The following EPHA4 variants were observed in gnomAD, a reference collection of about 807,000 sequenced individuals.
EPHA4 encodes EPH receptor A4.
In EPHA4, 19 loss-of-function variants were observed where a neutral mutation model predicts 108.3. That is an observed-to-expected ratio of 0.18 (90% CI 0.12 to 0.26). The LOEUF (loss-of-function observed/expected upper bound fraction) is 0.26, where lower values mean the gene tolerates loss of function less well. Ranked by LOEUF, EPHA4 falls within the 10% of genes least tolerant of loss-of-function variation. The probability of loss-of-function intolerance (pLI) is 1.00; values close to 1 mark genes in which losing one functional copy is unlikely to be tolerated. For missense variants in EPHA4, 917 were observed against 1,254.0 expected, an observed-to-expected ratio of 0.73 and a Z score of 4.06; for synonymous variants, 449 against 455.5, an observed-to-expected ratio of 0.99 and a Z score of 0.18.
At chr2:221,519,231 C>CTT (rs1410289525) in intron 3 of EPHA4, among the ~76,000 whole-genome samples, 2 of 150,624 alleles carry the variant, frequency 1.3e-5, no homozygotes, top group African/African-American at 4.9e-5. Flanking sequence ...GTTTTAAACA[C>CTT]TTTTTTTTTA....
chr2:221,457,968 G>A lies in EPHA4; in HGVS notation c.1341C>T (p.Val447=), dbSNP rs372586693. Residue 447 remains valine, a synonymous_variant, in exon 6 of 18, where the codon GTC becomes GTT. Coordinates refer to ENST00000281821, the MANE Select transcript of EPHA4 (RefSeq NM_004438.5). The part of the protein sequence containing the change: ...NQAAPSSIAL[V]QAKEVTRYSV... The stretch of plus-strand genomic sequence containing the variant: ...TGTATCTTGTGACTTCTTTAGCCTG[G>A]ACCAAAGCAATGGATGATGGTGCTG... 5.0e-5 allele frequency: 80 copies of A among 1,613,148 alleles called. No homozygotes were observed. Among genetic ancestry groups the A allele is most frequent in the Non-Finnish European group, 6.5e-5 (77 of 1,179,506 alleles).
chr2:221,497,099 A>G (rs1692322035), intron 4 of EPHA4, among the ~76,000 whole-genome samples: 1 of 152,140 alleles, frequency 6.6e-6, no homozygotes, highest in African/African-American at 2.4e-5. Flanking sequence ...AGGCAGTGAG[A>G]TAGCTGTCAA....
At chr2:221,508,119 G>GA (rs1692687270) in intron 3 of EPHA4, among the ~76,000 whole-genome samples, 1 of 152,174 alleles carries the variant, frequency 6.6e-6, no homozygotes, top group African/African-American at 2.4e-5. Context: ...ACTGTAAATA[G>GA]ACCCGTGTCT....
chr2:221,541,374 A>C (rs577709538), intron 3 of EPHA4, among the ~76,000 whole-genome samples: 5 of 152,232 alleles, frequency 3.3e-5, no homozygotes, highest in South Asian at 2.1e-4. Context: ...CAGTAAGCCA[A>C]ATTCAAGCTC....
upstream of EPHA4, chr2:221,572,333 T>C (rs528282896): frequency 3.0e-4 from 384 of 1,265,238 alleles, 1 homozygote; most frequent in Non-Finnish European, 4.0e-4. Flanking sequence ...GCTGAAGACA[T>C]TGCCAAGGGG....
intron 13 of EPHA4, among the ~76,000 whole-genome samples, chr2:221,435,554 G>A (rs1010689779): frequency 6.6e-6 from 1 of 152,026 alleles, no homozygotes; most frequent in Non-Finnish European, 1.5e-5. Context: ...GCAAAATGAA[G>A]AGTGTTAAAA....
intron 3 of EPHA4, among the ~76,000 whole-genome samples, chr2:221,555,988 G>C (rs1200853421): frequency 1.3e-5 from 2 of 152,182 alleles, no homozygotes; most frequent in African/African-American, 4.8e-5. Context: ...AGTGCAGTCT[G>C]TGTTACCTTC....
Position 221,566,845 on chromosome 2 carries a change from A to G in EPHA4, c.159+1873T>C, listed in dbSNP as rs569454419. ...GAAGAAGGAGAAGGAGAAGAAGGAG[A>G]AGGAGAAGGAGAAGAAGAAGAAGAA... On this transcript the variant is annotated intron_variant, in intron 2 of 17. Coordinates refer to ENST00000281821, the MANE Select transcript of EPHA4 (RefSeq NM_004438.5). Among the ~76,000 whole-genome samples the G allele has an allele frequency of 9.8e-3, 473 of 48,216 alleles. 38 individuals carry two copies. The highest frequency in any genetic ancestry group is 0.079 in the African/African-American group (450 of 5,704). 31.6% of individuals were successfully genotyped at this position (48,216 alleles called of 152,430 possible).
At chr2:221,476,857 T>C (rs898711283) in intron 5 of EPHA4, among the ~76,000 whole-genome samples, 1 of 152,208 alleles carries the variant, frequency 6.6e-6, no homozygotes, top group Admixed American at 6.5e-5. Flanking sequence ...AAAGACAGTG[T>C]GCCTCTTACA....
At chr2:221,565,967 G>T (rs1694616338) in intron 2 of EPHA4, among the ~76,000 whole-genome samples, 1 of 152,160 alleles carries the variant, frequency 6.6e-6, no homozygotes, top group African/African-American at 2.4e-5. Flanking sequence ...CAGCCTGAAC[G>T]TAATTGTCTA....
At chr2:221,566,914 G>GAGA (rs748028023) in intron 2 of EPHA4, among the ~76,000 whole-genome samples, 1,520 of 38,762 alleles carry the variant, frequency 0.039, 317 homozygotes, top group Middle Eastern at 0.06. Flanking sequence ...GAAGGAGAAG[G>GAGA]AGAAGGAGAA....
At chr2:221,569,049 G>A (rs755027428) in intron 1 of EPHA4, among the ~76,000 whole-genome samples, 1 of 152,132 alleles carries the variant, frequency 6.6e-6, no homozygotes, top group South Asian at 2.1e-4. Flanking sequence ...TTCTAAAAAG[G>A]ATGAATAGAG....
intron 3 of EPHA4, among the ~76,000 whole-genome samples, chr2:221,547,980 T>C (rs1446898051): frequency 6.6e-6 from 1 of 152,246 alleles, no homozygotes; most frequent in Non-Finnish European, 1.5e-5. Context: ...AGATATTTCC[T>C]ATCTTCTTCA....
chr2:221,428,484 A>C (rs1689977306), intron 15 of EPHA4, among the ~76,000 whole-genome samples: 2 of 152,186 alleles, frequency 1.3e-5, no homozygotes, highest in African/African-American at 4.8e-5. Context: ...CTTGGGGCAA[A>C]GCAGATGCTA....
At chr2:221,506,809 G>C (rs943073053) in intron 3 of EPHA4, among the ~76,000 whole-genome samples, 19 of 152,204 alleles carry the variant, frequency 1.2e-4, no homozygotes, top group Non-Finnish European at 2.6e-4. Flanking sequence ...AGGATATGAT[G>C]AAGGTATTTA....
intron 3 of EPHA4, among the ~76,000 whole-genome samples, chr2:221,511,438 C>A (rs1450078270): frequency 2.4e-5 from 3 of 127,160 alleles, no homozygotes; most frequent in African/African-American, 2.5e-5. Context: ...CAAACACCAA[C>A]CTGTAACCAA....
intron 5 of EPHA4, among the ~76,000 whole-genome samples, chr2:221,476,733 C>A (rs911821815): frequency 1.3e-5 from 2 of 152,094 alleles, no homozygotes; most frequent in African/African-American, 4.8e-5. Context: ...AGCAATTATA[C>A]CCAGTGGGGA....
At chr2:221,534,995 T>C (rs2106185964) in intron 3 of EPHA4, among the ~76,000 whole-genome samples, 1 of 152,338 alleles carries the variant, frequency 6.6e-6, no homozygotes, top group South Asian at 2.1e-4. Flanking sequence ...CAATTCGGGG[T>C]GCAGCTTCTG....
At chr2:221,559,301 G>T (rs1694389283) in intron 3 of EPHA4, among the ~76,000 whole-genome samples, 1 of 151,998 alleles carries the variant, frequency 6.6e-6, no homozygotes. Context: ...TGTTTTTATT[G>T]GTATTATTTT....
Sources: gnomAD v4.1 joint callset for allele counts (sites outside exome capture counted in the v4.1 genomes callset) on GRCh38, gnomAD v4.1.1 for gene constraint, MANE v1.5 for transcripts, NCBI Gene and HGNC (gene_info 2026-07-23, HGNC 2026-07-21) for gene names.